Variants in PDE4D observed in about 807,000 individuals in gnomAD.
PDE4D encodes the protein phosphodiesterase 4D, also known as 3',5'-cyclic-AMP phosphodiesterase 4D.
PDE4D carries 24 observed loss-of-function variants against 87.4 expected under a neutral mutation model. The observed-to-expected ratio is 0.27, with a 90% CI of 0.20 to 0.39. The LOEUF is 0.39. Among genes scored for constraint, PDE4D ranks in the 10% least tolerant of loss-of-function variants. PDE4D has a pLI of 1.00. For missense variants in PDE4D, 714 were observed against 1,041.0 expected (o/e 0.69, Z 4.32); for synonymous variants, 384 against 383.2 (o/e 1.00, Z -0.02).
chr5:60,048,253 G>C (rs1769568795), intron 2 of PDE4D, among the ~76,000 whole-genome samples: 1 of 152,084 alleles, frequency 6.6e-6, no homozygotes. Flanking sequence ...TTGAGCCTAT[G>C]TGTGTCTCTG....
At chr5:59,469,796 G>A (rs943559632) in intron 1 of PDE4D, among the ~76,000 whole-genome samples, 6 of 152,120 alleles carry the variant, frequency 3.9e-5, no homozygotes, top group Non-Finnish European at 7.4e-5. Flanking sequence ...GAACATCCAC[G>A]TGCTGATAGC....
chr5:59,458,297 T>A (rs551132239), intron 1 of PDE4D, among the ~76,000 whole-genome samples: 2 of 152,262 alleles, frequency 1.3e-5, no homozygotes, highest in Non-Finnish European at 2.9e-5. Context: ...TTGCACATCA[T>A]AAGCCTTCAA....
chr5:60,172,015 T>C (rs1783479748), intron 2 of PDE4D, among the ~76,000 whole-genome samples: 1 of 150,286 alleles, frequency 6.7e-6, no homozygotes, highest in South Asian at 2.1e-4. Context: ...AGTTTGTTTA[T>C]CCAAAAAATA....
intron 1 of PDE4D, among the ~76,000 whole-genome samples, chr5:59,577,366 T>A (rs1011501289): frequency 6.6e-6 from 1 of 152,158 alleles, no homozygotes; most frequent in South Asian, 2.1e-4. Context: ...GCCAAATACT[T>A]GAGAAAAGCA....
intron 2 of PDE4D, among the ~76,000 whole-genome samples, chr5:60,036,400 GA>G (rs1321781472): frequency 1.3e-5 from 2 of 152,040 alleles, no homozygotes; most frequent in Admixed American, 6.5e-5. Context: ...CCTGTATCAG[GA>G]AAAAAGGGTG....
At chr5:59,908,615 T>C (rs1381872606) in intron 3 of PDE4D, among the ~76,000 whole-genome samples, 2 of 152,226 alleles carry the variant, frequency 1.3e-5, no homozygotes, top group Non-Finnish European at 1.5e-5. Flanking sequence ...CATGATTGTA[T>C]ATTTTATTCA....
At chr5:59,513,914 C>T (rs1013903740) in intron 1 of PDE4D, among the ~76,000 whole-genome samples, 58 of 151,880 alleles carry the variant, frequency 3.8e-4, no homozygotes, top group African/African-American at 1.1e-3. Flanking sequence ...AAACTTAGAG[C>T]GAAAGTCAGT....
At chr5:60,077,579 G>T (rs892241144) in intron 2 of PDE4D, among the ~76,000 whole-genome samples, 1 of 152,134 alleles carries the variant, frequency 6.6e-6, no homozygotes, top group Non-Finnish European at 1.5e-5. Flanking sequence ...TACTCAAGGT[G>T]GACTGCCATT....
intron 2 of PDE4D, among the ~76,000 whole-genome samples, chr5:60,179,021 T>C (rs1056779981): frequency 2.6e-5 from 4 of 152,108 alleles, no homozygotes; most frequent in Non-Finnish European, 5.9e-5. Flanking sequence ...CAAATCCTTC[T>C]CACGGAAGCA....
intron 1 of PDE4D, among the ~76,000 whole-genome samples, chr5:59,520,902 T>C (rs944901733): frequency 2.6e-5 from 4 of 151,864 alleles, no homozygotes; most frequent in South Asian, 2.1e-4. Flanking sequence ...TATATACACA[T>C]ATATACACGT....
intron 1 of PDE4D, among the ~76,000 whole-genome samples, chr5:60,415,871 T>C (rs966577900): frequency 2.6e-5 from 4 of 152,246 alleles, no homozygotes; most frequent in Non-Finnish European, 4.4e-5. Context: ...TGAAGCCATC[T>C]GGGCTCCTGA....
chr5:59,438,610 G>A (rs1366035721), intron 1 of PDE4D, among the ~76,000 whole-genome samples: 1 of 152,070 alleles, frequency 6.6e-6, no homozygotes, highest in Non-Finnish European at 1.5e-5. Context: ...TTTTACTTTT[G>A]CAATATTATT....
In PDE4D at chr5:59,032,836, T is replaced by C. The variant is rs141180993; in HGVS notation, c.921+6023A>G. Among the ~76,000 whole-genome samples the C allele has an allele frequency of 2.4e-3, 366 of 152,288 alleles. 2 individuals carry two copies. Among genetic ancestry groups the C allele is most frequent in the African/African-American group, 8.5e-3 (354 of 41,556 alleles). On this transcript the variant is annotated intron_variant, in intron 6 of 14. Transcript: ENST00000340635. ...TGGTCTCAATAACTTTTTCATTTTATTTTCCCCTTTCATTATCGCCACTTA... is the reference window on the plus strand; with the variant it reads ...TGGTCTCAATAACTTTTTCATTTTACTTTCCCCTTTCATTATCGCCACTTA...
At position 59,949,391 on chromosome 5, in the gene PDE4D, C is replaced by T. The variant is rs1758049501; in HGVS notation, c.272+39097G>A. ...GAGCTTGCAGTAAGCCGAGATCGTGCCACCGCACTCCAGCCTGGGCGACAA... is the reference window on the plus strand; with the variant it reads ...GAGCTTGCAGTAAGCCGAGATCGTGTCACCGCACTCCAGCCTGGGCGACAA... On this transcript the variant is annotated intron_variant, in intron 3 of 16. Coordinates refer to the PDE4D transcript ENST00000502484. Among the ~76,000 whole-genome samples, 3 of 149,568 alleles carry T rather than the reference C, an allele frequency of 2.0e-5. No homozygotes were observed. The South Asian group carries it at 6.3e-4, about 32-fold the overall frequency.
At chr5:59,210,245 G>A (rs886788423) in intron 2 of PDE4D, among the ~76,000 whole-genome samples, 7 of 152,208 alleles carry the variant, frequency 4.6e-5, no homozygotes, top group Admixed American at 3.3e-4. Context: ...GTAATGCAAC[G>A]TGTCTTTTTA....
intron 5 of PDE4D, among the ~76,000 whole-genome samples, chr5:59,140,271 A>G (rs376481847): frequency 7.2e-5 from 11 of 152,332 alleles, no homozygotes; most frequent in East Asian, 3.9e-4. Context: ...CTTCTGTCAA[A>G]TGATCCTATT....
intron 1 of PDE4D, among the ~76,000 whole-genome samples, chr5:60,261,959 C>T (rs1431123467): frequency 2.0e-5 from 3 of 152,094 alleles, no homozygotes; most frequent in Non-Finnish European, 4.4e-5. Context: ...CATAACTAGG[C>T]AGTTGACAGA....
intron 5 of PDE4D, among the ~76,000 whole-genome samples, chr5:59,173,330 C>T (rs1333170587): frequency 6.6e-6 from 1 of 152,120 alleles, no homozygotes; most frequent in Non-Finnish European, 1.5e-5. Flanking sequence ...ATAGGTATGG[C>T]TCTACTCATT....
At chr5:59,592,893 A>T (rs17439074) in intron 1 of PDE4D, among the ~76,000 whole-genome samples, 12,764 of 152,064 alleles carry the variant, frequency 0.084, 663 homozygotes, top group Admixed American at 0.14. Context: ...TGACCAACGC[A>T]TGAAACCTCT....
Sources: allele counts gnomAD v4.1 joint callset (sites outside exome capture counted in the v4.1 genomes callset), GRCh38; gene constraint gnomAD v4.1.1; transcripts MANE v1.5; gene names NCBI Gene and HGNC (gene_info 2026-07-23, HGNC 2026-07-21).